The following TMTC1 variants were observed in gnomAD, a reference collection of about 807,000 sequenced individuals.
TMTC1 encodes the protein protein O-mannosyl-transferase TMTC1.
TMTC1 carries 73 observed loss-of-function variants against 104.8 expected under a neutral mutation model. The ratio of observed to expected loss-of-function variants is 0.70; its 90% confidence interval spans 0.58 to 0.85. TMTC1 has a LOEUF of 0.85. Among genes scored for constraint, TMTC1 ranks in the 40% least tolerant of loss-of-function variants. TMTC1 has a pLI of 0.00. For synonymous variants in TMTC1, 434 were observed against 428.7 expected, an observed-to-expected ratio of 1.01 and a Z score of -0.15; for missense variants, 1,035 against 1,096.1, an observed-to-expected ratio of 0.94 and a Z score of 0.79.
At chr12:29,649,217 G>C (rs1049294705) in intron 5 of TMTC1, among the ~76,000 whole-genome samples, 1 of 152,048 alleles carries the variant, frequency 6.6e-6, no homozygotes, top group Non-Finnish European at 1.5e-5. Context: ...TTTACCTCTT[G>C]TGAAAACTTC....
chr12:29,749,288 T>C (rs1323662853), intron 5 of TMTC1, among the ~76,000 whole-genome samples: 4 of 152,124 alleles, frequency 2.6e-5, no homozygotes, highest in African/African-American at 9.7e-5. Flanking sequence ...CTAACAACCT[T>C]TTCCCCATTT....
At chr12:29,759,950 CT>C (rs1315182486) in intron 2 of TMTC1, among the ~76,000 whole-genome samples, 1 of 152,154 alleles carries the variant, frequency 6.6e-6, no homozygotes, top group Non-Finnish European at 1.5e-5. Context: ...TCAATAACAA[CT>C]TTCAGGTCAA....
intron 9 of TMTC1, among the ~76,000 whole-genome samples, chr12:29,560,633 C>T (rs1298065258): frequency 1.3e-5 from 2 of 152,086 alleles, no homozygotes; most frequent in Admixed American, 1.3e-4. Context: ...AATAACAAAA[C>T]ATACATATAG....
chr12:29,667,049 C>A (rs1313011510), intron 5 of TMTC1, among the ~76,000 whole-genome samples: 1 of 152,074 alleles, frequency 6.6e-6, no homozygotes, highest in East Asian at 1.9e-4. Context: ...CAGAATATAG[C>A]AAAGACACAG....
intron 5 of TMTC1, among the ~76,000 whole-genome samples, chr12:29,640,391 A>G (rs749416126): frequency 1.3e-5 from 2 of 152,190 alleles, no homozygotes; most frequent in Non-Finnish European, 2.9e-5. Context: ...AGAACAAATC[A>G]GCAATCCCAA....
intron 5 of TMTC1, among the ~76,000 whole-genome samples, chr12:29,714,330 C>T (rs984711768): frequency 1.8e-4 from 27 of 152,316 alleles, no homozygotes; most frequent in African/African-American, 6.3e-4. Flanking sequence ...GTGCTTTATG[C>T]ATATTGCCTG....
intron 6 of TMTC1, among the ~76,000 whole-genome samples, chr12:29,626,327 G>T (rs1480419955): frequency 6.6e-6 from 1 of 152,082 alleles, no homozygotes; most frequent in Non-Finnish European, 1.5e-5. Flanking sequence ...AAGTAAAAGG[G>T]AGATAAAGAA....
intron 11 of TMTC1, chr12:29,529,815 C>T (rs766965815): frequency 8.5e-5 from 13 of 152,292 alleles, no homozygotes; most frequent in Admixed American, 2.6e-4. Flanking sequence ...CATTCTTCCC[C>T]ACCAAGGAAA....
At chr12:29,703,335 C>T (rs993270327) in intron 5 of TMTC1, among the ~76,000 whole-genome samples, 1 of 152,064 alleles carries the variant, frequency 6.6e-6, no homozygotes, top group Non-Finnish European at 1.5e-5. Flanking sequence ...AAGGAAATAA[C>T]TTTCTTTGAA....
chr12:29,627,138 C>T (rs1938043120), intron 6 of TMTC1, among the ~76,000 whole-genome samples: 1 of 151,978 alleles, frequency 6.6e-6, no homozygotes, highest in Non-Finnish European at 1.5e-5. Context: ...AACTTTTGTG[C>T]ATCAAAGGAC....
intron 9 of TMTC1, among the ~76,000 whole-genome samples, chr12:29,566,087 G>A (rs561789564): frequency 1.8e-4 from 27 of 152,284 alleles, no homozygotes; most frequent in Non-Finnish European, 3.1e-4. Flanking sequence ...GGGAACAGGG[G>A]ATGCTGGTGG....
chr12:29,751,120 C>T (rs1943079953), intron 5 of TMTC1, among the ~76,000 whole-genome samples: 1 of 152,184 alleles, frequency 6.6e-6, no homozygotes, highest in African/African-American at 2.4e-5. Context: ...TAGAGACAGC[C>T]TAATTTAGGG....
intron 16 of TMTC1, among the ~76,000 whole-genome samples, chr12:29,513,440 A>G (rs976076818): frequency 2.0e-5 from 3 of 152,164 alleles, no homozygotes; most frequent in Non-Finnish European, 4.4e-5. Context: ...AAAGGCAGAG[A>G]AAATCCTACA....
chr12:29,528,366 C>A (rs1339086456), intron 11 of TMTC1, among the ~76,000 whole-genome samples: 3 of 152,126 alleles, frequency 2.0e-5, no homozygotes, highest in African/African-American at 7.2e-5. Context: ...ACACCAGAGT[C>A]CCCAGCCATC....
chr12:29,666,513 G>A (rs1357181121), intron 5 of TMTC1, among the ~76,000 whole-genome samples: 2 of 151,866 alleles, frequency 1.3e-5, no homozygotes, highest in Non-Finnish European at 2.9e-5. Flanking sequence ...GATTACAGGT[G>A]TGAGCCACCA....
intron 5 of TMTC1, among the ~76,000 whole-genome samples, chr12:29,724,409 C>T (rs569452113): frequency 3.2e-4 from 49 of 152,222 alleles, no homozygotes; most frequent in African/African-American, 1.2e-3. Flanking sequence ...AGAATACAAC[C>T]TAAGGAAATC....
At chr12:29,570,393 T>C (rs913591015) in intron 9 of TMTC1, among the ~76,000 whole-genome samples, 1 of 152,216 alleles carries the variant, frequency 6.6e-6, no homozygotes, top group African/African-American at 2.4e-5. Context: ...AATGAAAGAA[T>C]AGAATTCTTG....
chr12:29,542,088 T>C (rs1432591123), intron 10 of TMTC1, among the ~76,000 whole-genome samples: 2 of 152,250 alleles, frequency 1.3e-5, no homozygotes, highest in East Asian at 3.8e-4. Context: ...TTCTCTGAAC[T>C]GACCAAGTCC....
intron 3 of TMTC1, among the ~76,000 whole-genome samples, chr12:29,758,040 G>A (rs1592019175): frequency 6.6e-6 from 1 of 152,156 alleles, no homozygotes; most frequent in African/African-American, 2.4e-5. Flanking sequence ...CCATATCACA[G>A]GACATGCTCT....
Sources: gnomAD v4.1 joint callset for allele counts (sites outside exome capture counted in the v4.1 genomes callset) on GRCh38, gnomAD v4.1.1 for gene constraint, MANE v1.5 for transcripts, NCBI Gene and HGNC (gene_info 2026-07-23, HGNC 2026-07-21) for gene names.